Variants in MDM2 observed in about 807,000 individuals in gnomAD.
MDM2 encodes the protein MDM2 proto-oncogene.
Under a neutral mutation model 64.3 loss-of-function variants are expected in MDM2, and 11 were observed. The observed-to-expected ratio is 0.17, with a 90% CI of 0.11 to 0.28. MDM2 has a LOEUF of 0.28. Ranked by LOEUF, MDM2 falls within the 10% of genes least tolerant of loss-of-function variation. The pLI, the probability that MDM2 is intolerant of heterozygous loss-of-function variation, is 1.00. For synonymous variants in MDM2, 194 were observed against 192.9 expected (o/e 1.01, Z -0.05); for missense variants, 388 against 577.1 (o/e 0.67, Z 3.36).
intron 2 of MDM2, among the ~76,000 whole-genome samples, chr12:68,812,798 C>T (rs1162775230): frequency 1.3e-5 from 2 of 152,052 alleles, no homozygotes; most frequent in African/African-American, 4.8e-5. Flanking sequence ...CAACCATGCC[C>T]GTTGGTTTAC....
chr12:68,813,696 C>A, intron 3 of MDM2, 68 bp downstream of exon 3: 2 of 1,148,126 alleles, frequency 1.7e-6, no homozygotes, highest in South Asian at 1.4e-5. Context: ...GTTTTCAAGA[C>A]CATGTGGAGA....
Position 68,834,440 on chromosome 12 carries a change from C to A in MDM2, c.685-1389C>A, listed in dbSNP as rs1211580100. Among the ~76,000 whole-genome samples, 26 of 142,882 alleles carry A rather than the reference C, an allele frequency of 1.8e-4. 1 individual carries two copies. The highest frequency in any genetic ancestry group is 1.5e-3 in the Admixed American group (21 of 14,268). 93.7% of individuals were successfully genotyped at this position (142,882 alleles called of 152,430 possible). A position where few individuals can be genotyped will look rare whatever the true frequency, so the allele number is the denominator to read the frequency against. Reference sequence around the variant, plus strand: ...TTGGGTGACAGAGCAAGACTCTTGTCTCAAAAAAAAAAAGGGCCGGGCATG... The same window carrying A: ...TTGGGTGACAGAGCAAGACTCTTGTATCAAAAAAAAAAAGGGCCGGGCATG... On this transcript the variant is annotated intron_variant, in intron 8 of 10. Transcript: ENST00000258149.
Position 68,809,219 on chromosome 12 carries a change from A to G in MDM2, c.26A>G (p.Asn9Ser). The G allele has an allele frequency of 2.5e-6, 4 of 1,613,564 alleles. No individual in the cohort carries two copies. Among genetic ancestry groups the G allele is most frequent in the Non-Finnish European group, 3.4e-6 (4 of 1,179,812 alleles). Residue 9 changes from asparagine to serine, a missense_variant, in exon 2 of 11, where the codon AAT becomes AGT. Transcript: ENST00000258149. Reference protein sequence around the residue: MVRSRQMCNTNMSVPTDGA... With the variant: MVRSRQMCSTNMSVPTDGA... ...TTTTTTCCTTGTAGGCAAATGTGCA[A>G]TACCAACATGTCTGTACCTACTGAT...
intron 7 of MDM2, chr12:68,828,527 T>C (rs559989042): frequency 2.6e-4 from 92 of 354,274 alleles, no homozygotes; most frequent in Admixed American, 2.5e-3. Context: ...TGAGCCGAGA[T>C]TGTGCCTCTG....
rs1880540788 is a variant in MDM2 at position 68,808,361 on chromosome 12, G to T, written c.-117G>T. 5.7e-6 allele frequency: 8 copies of T among 1,397,432 alleles called. No individual in the cohort carries two copies. The highest frequency in any genetic ancestry group is 1.4e-5 in the African/African-American group (1 of 70,410). 86.6% of individuals were successfully genotyped at this position (1,397,432 alleles called of 1,614,324 possible). A position where few individuals can be genotyped will look rare whatever the true frequency, so the allele number is the denominator to read the frequency against. On this transcript the variant is annotated 5_prime_UTR_variant, in exon 1 of 11. Coordinates refer to ENST00000258149, the MANE Select transcript of MDM2 (RefSeq NM_002392.6). ...GGATTAGTGCGTACGAGCGCCCAGT[G>T]CCCTGGCCCGGAGAGTGGAATGATC...
chr12:68,840,591 C>G lies in MDM2; in HGVS notation c.*742C>G, dbSNP rs7296057. 11,350 of 186,200 alleles carry G rather than the reference C, an allele frequency of 0.061. 1,410 individuals carry two copies. The highest frequency in any genetic ancestry group is 0.25 in the African/African-American group (10,724 of 42,498). The allele number at this position is 186,200 out of a possible 1,614,324, so 11.5% of individuals were successfully genotyped here. A position where few individuals can be genotyped will look rare whatever the true frequency, so the allele number is the denominator to read the frequency against. On this transcript the variant is annotated 3_prime_UTR_variant, in exon 11 of 11. Transcript: ENST00000258149. Reference sequence around the variant, plus strand: ...TGCAGTGTCATGATCTAGCAGTCTCCGCTTCCCGGGTTCAAGCCATTCTCC... The same window carrying G: ...TGCAGTGTCATGATCTAGCAGTCTCGGCTTCCCGGGTTCAAGCCATTCTCC...
At chr12:68,823,514 G>C (rs1882045377) in intron 5 of MDM2, among the ~76,000 whole-genome samples, 1 of 152,042 alleles carries the variant, frequency 6.6e-6, no homozygotes, top group South Asian at 2.1e-4. Flanking sequence ...TCAAATACCA[G>C]GTCTTGTTGG....
rs1177697478 is a variant in MDM2, at chr12:68,835,876, G to A, written c.732G>A (p.Gln244=). Residue 244 remains glutamine, a synonymous_variant, in exon 9 of 11, where the codon CAG becomes CAA. Coordinates refer to ENST00000258149, the MANE Select transcript of MDM2 (RefSeq NM_002392.6). ...AACATTCAGGTGATTGGTTGGATCAGGATTCAGTTTCAGATCAGTTTAGTG... is the reference window on the plus strand; with the variant it reads ...AACATTCAGGTGATTGGTTGGATCAAGATTCAGTTTCAGATCAGTTTAGTG... The part of the protein sequence containing the change: ...VSEHSGDWLD[Q]DSVSDQFSVE... 1 of 1,613,582 alleles carries A rather than the reference G, an allele frequency of 6.2e-7. No individual in the cohort carries two copies. Among genetic ancestry groups the A allele is most frequent in the East Asian group, 2.2e-5 (1 of 44,864 alleles).
intron 7 of MDM2, among the ~76,000 whole-genome samples, chr12:68,825,698 AAC>A (rs1277352706): frequency 1.2e-4 from 19 of 152,362 alleles, no homozygotes; most frequent in Middle Eastern, 3.4e-3. Context: ...AATAGTTGAG[AAC>A]AGTTAGTAGA....
chr12:68,811,464 A>C (rs1880884006), intron 2 of MDM2, among the ~76,000 whole-genome samples: 2 of 152,062 alleles, frequency 1.3e-5, no homozygotes, highest in South Asian at 4.1e-4. Context: ...TAAATTTTTT[A>C]AATATTTAGA....
At chr12:68,826,101 G>C (rs372461828) in intron 7 of MDM2, among the ~76,000 whole-genome samples, 102 of 152,262 alleles carry the variant, frequency 6.7e-4, no homozygotes, top group South Asian at 1.4e-3. Flanking sequence ...AGGGCAGACA[G>C]TTCACAAAAA....
Position 68,841,995 on chromosome 12 carries a change from A to G in MDM2, c.*2146A>G, listed in dbSNP as rs541517660. The G allele has an allele frequency of 2.4e-4, 94 of 393,050 alleles. No homozygotes were observed. The highest frequency in any genetic ancestry group is 1.6e-3 in the African/African-American group (80 of 49,364). The allele number at this position is 393,050 out of a possible 1,614,324, so 24.3% of individuals were successfully genotyped here. A position where few individuals can be genotyped will look rare whatever the true frequency, so the allele number is the denominator to read the frequency against. ...ATGATGTTCATCTGCAGCTGTTGCA[A>G]GGTGTTCAGATTGTATAAACATAAA... On this transcript the variant is annotated 3_prime_UTR_variant, in exon 11 of 11. Coordinates refer to ENST00000258149, the MANE Select transcript of MDM2 (RefSeq NM_002392.6).
chr12:68,839,684 T>G lies in MDM2; in HGVS notation c.1329T>G (p.Pro443=). 6.2e-7 allele frequency: 1 copy of G among 1,613,760 alleles called. No homozygotes were observed. Among genetic ancestry groups the G allele is most frequent in the Non-Finnish European group, 8.5e-7 (1 of 1,179,970 alleles). Residue 443 remains proline (P), a synonymous_variant, in exon 11 of 11, where the codon CCT becomes CCG. Coordinates refer to ENST00000258149, the MANE Select transcript of MDM2 (RefSeq NM_002392.6). ...GTTTGCCCCTTAATGCCATTGAACC[T>G]TGTGTGATTTGTCAAGGTCGACCTA... ...ESSLPLNAIE[P]CVICQGRPKN...
In MDM2 at chr12:68,808,369, C is replaced by G; in HGVS notation, c.-109C>G. 4 of 1,471,844 alleles carry G rather than the reference C, an allele frequency of 2.7e-6. No homozygotes were observed. Among genetic ancestry groups the G allele is most frequent in the East Asian group, 4.6e-5 (2 of 43,536 alleles). The allele number at this position is 1,471,844 out of a possible 1,614,324, so 91.2% of individuals were successfully genotyped here. A position where few individuals can be genotyped will look rare whatever the true frequency, so the allele number is the denominator to read the frequency against. ...GCGTACGAGCGCCCAGTGCCCTGGCCCGGAGAGTGGAATGATCCCCGAGGC... is the reference window on the plus strand; with the variant it reads ...GCGTACGAGCGCCCAGTGCCCTGGCGCGGAGAGTGGAATGATCCCCGAGGC... On this transcript the variant is annotated 5_prime_UTR_variant, in exon 1 of 11. Coordinates refer to ENST00000258149, the MANE Select transcript of MDM2 (RefSeq NM_002392.6).
intron 3 of MDM2, chr12:68,815,816 A>C: frequency 5.8e-6 from 1 of 172,596 alleles, no homozygotes; most frequent in South Asian, 9.6e-5. Flanking sequence ...ATAAAAGTAC[A>C]TTGTAAACTG....
intron 9 of MDM2, 53 bp from the exon 10 acceptor site, chr12:68,836,619 C>A: frequency 7.9e-7 from 1 of 1,263,726 alleles, no homozygotes; most frequent in Non-Finnish European, 1.2e-6. Flanking sequence ...AGGAAGCCTT[C>A]TGATTGAAGG....
At chr12:68,823,308 C>CT (rs1391019154) in intron 5 of MDM2, among the ~76,000 whole-genome samples, 2 of 152,242 alleles carry the variant, frequency 1.3e-5, no homozygotes, top group South Asian at 2.1e-4. Flanking sequence ...AACTCTGAAA[C>CT]TTTGACTTTT....
chr12:68,818,664 T>G (rs1881595275), intron 4 of MDM2, among the ~76,000 whole-genome samples: 1 of 150,532 alleles, frequency 6.6e-6, no homozygotes, highest in Admixed American at 6.6e-5. Context: ...ATTTTATACG[T>G]GGCCTTGGTA....
At position 68,820,390 on chromosome 12, in the gene MDM2, G is replaced by A. The variant is rs778341406; in HGVS notation, c.358+16G>A. 1 of 1,591,802 alleles carries A rather than the reference G, an allele frequency of 6.3e-7. No homozygotes were observed. The highest frequency in any genetic ancestry group is 8.6e-7 in the Non-Finnish European group (1 of 1,164,944). Reference sequence around the variant, plus strand: ...AATCAGCAGGGTAAGTTAATTTTGAGCATCATGGATAAATACCATAAAAAC... The same window carrying A: ...AATCAGCAGGGTAAGTTAATTTTGAACATCATGGATAAATACCATAAAAAC... On this transcript the variant is annotated intron_variant, in intron 5 of 10. Transcript: ENST00000258149.
Sources: gnomAD v4.1 joint callset for allele counts (sites outside exome capture counted in the v4.1 genomes callset) on GRCh38, gnomAD v4.1.1 for gene constraint, MANE v1.5 for transcripts, NCBI Gene and HGNC (gene_info 2026-07-23, HGNC 2026-07-21) for gene names.